EPHA6: variants seen among roughly 807,000 people sequenced by gnomAD.
The protein encoded by EPHA6 is ephrin type-A receptor 6.
EPHA6 carries 50 observed loss-of-function variants against 112.0 expected under a neutral mutation model. The ratio of observed to expected loss-of-function variants is 0.45; its 90% CI spans 0.36 to 0.56. The LOEUF is 0.56. Among genes scored for constraint, EPHA6 ranks in the 20% least tolerant of loss-of-function variants. EPHA6 has a pLI of 0.00. For synonymous variants in EPHA6, 529 were observed against 490.7 expected (o/e 1.08, Z -1.03); for missense variants, 1,280 against 1,417.4 (o/e 0.90, Z 1.56).
At chr3:97,185,369 G>GA (rs1303384871) in intron 3 of EPHA6, among the ~76,000 whole-genome samples, 14 of 152,064 alleles carry the variant, frequency 9.2e-5, no homozygotes, top group African/African-American at 2.7e-4. Context: ...AAATTTACAA[G>GA]AAAAAAACAG....
intron 2 of EPHA6, among the ~76,000 whole-genome samples, chr3:96,875,244 C>A (rs926590032): frequency 1.3e-5 from 2 of 152,062 alleles, no homozygotes; most frequent in East Asian, 1.9e-4. Flanking sequence ...TCATCCAAAG[C>A]TGATGGCTTT....
intron 2 of EPHA6, among the ~76,000 whole-genome samples, chr3:96,934,739 C>G (rs1163059226): frequency 2.0e-5 from 3 of 151,072 alleles, no homozygotes; most frequent in Non-Finnish European, 4.4e-5. Flanking sequence ...TTAGAAAGGC[C>G]AATGAAATTT....
chr3:97,395,483 T>C (rs947074521), intron 5 of EPHA6, among the ~76,000 whole-genome samples: 1 of 151,824 alleles, frequency 6.6e-6, no homozygotes, highest in Non-Finnish European at 1.5e-5. Flanking sequence ...TTATCGTTTT[T>C]GATTATACTG....
intron 4 of EPHA6, among the ~76,000 whole-genome samples, chr3:97,236,922 T>C (rs755039584): frequency 6.6e-6 from 1 of 152,060 alleles, no homozygotes; most frequent in African/African-American, 2.4e-5. Flanking sequence ...ATGCTCAGGA[T>C]GCTCACAATC....
intron 10 of EPHA6, among the ~76,000 whole-genome samples, chr3:97,519,821 G>C (rs1028373244): frequency 6.6e-6 from 1 of 151,418 alleles, no homozygotes; most frequent in African/African-American, 2.4e-5. Context: ...ATTTTTATAT[G>C]TTGATTTTGT....
rs190975015 is a variant in EPHA6 at position 97,716,002 on chromosome 3, A to G, written c.2785-4259A>G. On this transcript the variant is annotated intron_variant, in intron 14 of 17. Transcript: ENST00000389672. ...GTAAATGAGAAGCCATTTGAGTTAC[A>G]TTCAGTCACTTTGATTAGCATCTTT... Among the ~76,000 whole-genome samples, 497 of 152,338 alleles carry G rather than the reference A, an allele frequency of 3.3e-3. 1 individual carries two copies. Among genetic ancestry groups the G allele is most frequent in the Non-Finnish European group, 5.3e-3 (361 of 68,028 alleles).
intron 12 of EPHA6, among the ~76,000 whole-genome samples, chr3:97,596,397 T>C (rs1265578239): frequency 1.3e-5 from 2 of 152,168 alleles, no homozygotes; most frequent in Admixed American, 6.5e-5. Flanking sequence ...TCAAATCCTC[T>C]ATATTTTTGG....
chr3:97,594,030 C>A (rs80195429), intron 12 of EPHA6, among the ~76,000 whole-genome samples: 7 of 152,102 alleles, frequency 4.6e-5, no homozygotes, highest in African/African-American at 1.7e-4. Flanking sequence ...CCAAGCTCTC[C>A]GAGTTAACTG....
intron 5 of EPHA6, among the ~76,000 whole-genome samples, chr3:97,269,083 C>CTGAGA (rs1173231294): frequency 6.6e-6 from 1 of 152,154 alleles, no homozygotes; most frequent in Non-Finnish European, 1.5e-5. Flanking sequence ...GCAGCATTCC[C>CTGAGA]TGAGACAGCT....
chr3:97,336,562 G>A (rs1017482303), intron 5 of EPHA6, among the ~76,000 whole-genome samples: 3 of 152,172 alleles, frequency 2.0e-5, no homozygotes, highest in African/African-American at 7.2e-5. Flanking sequence ...TAGGACTTAT[G>A]TATGCCTATA....
At chr3:97,647,527 C>T (rs543882841) in intron 14 of EPHA6, among the ~76,000 whole-genome samples, 42 of 152,232 alleles carry the variant, frequency 2.8e-4, no homozygotes, top group African/African-American at 9.6e-4. Context: ...TAGATGAGAA[C>T]TGAGGCCTTG....
At chr3:97,422,989 T>C (rs1235938040) in intron 6 of EPHA6, among the ~76,000 whole-genome samples, 1 of 152,150 alleles carries the variant, frequency 6.6e-6, no homozygotes, top group Non-Finnish European at 1.5e-5. Context: ...AACAAGGCAT[T>C]GAAGGAACAT....
At chr3:97,051,142 A>T (rs146568846) in intron 3 of EPHA6, among the ~76,000 whole-genome samples, 159 of 152,294 alleles carry the variant, frequency 1.0e-3, no homozygotes, top group African/African-American at 3.7e-3. Flanking sequence ...GAGGCAATCT[A>T]TGAAACAATT....
At chr3:97,101,946 G>A (rs2047416500) in intron 3 of EPHA6, among the ~76,000 whole-genome samples, 1 of 151,978 alleles carries the variant, frequency 6.6e-6, no homozygotes, top group Non-Finnish European at 1.5e-5. Flanking sequence ...CCTCCCAAAT[G>A]ATAAGGAAAC....
chr3:96,947,719 C>G (rs1021513859), intron 2 of EPHA6, among the ~76,000 whole-genome samples: 1 of 152,112 alleles, frequency 6.6e-6, no homozygotes, highest in Admixed American at 6.6e-5. Flanking sequence ...TCAAGGAGAA[C>G]TACAAACCAC....
In EPHA6 at chr3:97,592,593, A is replaced by C. The variant is rs773555573; in HGVS notation, c.2387-19A>C. 16 of 1,612,528 alleles carry C rather than the reference A, an allele frequency of 9.9e-6. No homozygotes were observed. The Admixed American group carries it at 1.0e-4, about 10-fold the overall frequency. On this transcript the variant is annotated intron_variant, in intron 11 of 17. Coordinates refer to ENST00000389672, the MANE Select transcript of EPHA6 (RefSeq NM_001080448.3). Reference sequence around the variant, plus strand: ...CATAAAGAAGACTTTGATTAATGTCAATTTTTATCTCTTAAAAGGATCCTT... The same window carrying C: ...CATAAAGAAGACTTTGATTAATGTCCATTTTTATCTCTTAAAAGGATCCTT...
intron 1 of EPHA6, among the ~76,000 whole-genome samples, chr3:96,851,887 G>A (rs575129177): frequency 7.2e-5 from 11 of 152,286 alleles, no homozygotes; most frequent in East Asian, 5.8e-4. Flanking sequence ...ACGCAGAAGC[G>A]TCATGTTGGT....
intron 6 of EPHA6, among the ~76,000 whole-genome samples, chr3:97,424,285 A>G (rs2088916725): frequency 6.6e-6 from 1 of 152,158 alleles, no homozygotes; most frequent in African/African-American, 2.4e-5. Flanking sequence ...CATGGGGATT[A>G]TTACATGTTA....
chr3:97,327,705 G>A (rs2082505411), intron 5 of EPHA6, among the ~76,000 whole-genome samples: 1 of 151,516 alleles, frequency 6.6e-6, no homozygotes, highest in Non-Finnish European at 1.5e-5. Flanking sequence ...AAAGATATGA[G>A]GTAAATGGAA....
Sources: allele counts gnomAD v4.1 joint callset (sites outside exome capture counted in the v4.1 genomes callset), GRCh38; gene constraint gnomAD v4.1.1; transcripts MANE v1.5; gene names NCBI Gene and HGNC (gene_info 2026-07-23, HGNC 2026-07-21).